The following CNTN1 variants were observed in gnomAD, a reference collection of about 807,000 sequenced individuals.
CNTN1 encodes the protein contactin 1, also known as contactin-1.
CNTN1 carries 38 observed loss-of-function variants against 126.4 expected under a neutral mutation model. The ratio of observed to expected loss-of-function variants is 0.30; its 90% confidence interval spans 0.23 to 0.39. The LOEUF is 0.39. Among genes scored for constraint, CNTN1 ranks in the 10% least tolerant of loss-of-function variants. CNTN1 has a pLI of 1.00. For synonymous variants in CNTN1, 413 were observed against 422.6 expected (o/e 0.98, Z 0.28); for missense variants, 1,009 against 1,248.4 (o/e 0.81, Z 2.89).
At chr12:40,848,422 G>A (rs1942595991) in intron 1 of CNTN1, among the ~76,000 whole-genome samples, 2 of 152,102 alleles carry the variant, frequency 1.3e-5, no homozygotes, top group South Asian at 2.1e-4. Flanking sequence ...AAGCTTTATT[G>A]ACTATGTAAG....
intron 3 of CNTN1, among the ~76,000 whole-genome samples, chr12:40,910,870 G>A (rs17128929): frequency 0.067 from 10,146 of 152,162 alleles, 550 homozygotes; most frequent in Admixed American, 0.17. Context: ...CATGATGGTA[G>A]GAGAATGAAA....
intron 22 of CNTN1, among the ~76,000 whole-genome samples, chr12:41,028,617 A>C (rs1300182557): frequency 6.6e-6 from 1 of 152,224 alleles, no homozygotes; most frequent in Non-Finnish European, 1.5e-5. Flanking sequence ...AATAAAAAGG[A>C]GAAAAGCTTA....
chr12:40,769,807 AT>A (rs1939262456), intron 1 of CNTN1, among the ~76,000 whole-genome samples: 1 of 152,116 alleles, frequency 6.6e-6, no homozygotes, highest in Non-Finnish European at 1.5e-5. Flanking sequence ...CTGTTTAGAT[AT>A]TTTAAAGGCA....
In CNTN1 at chr12:40,922,344, C is replaced by G; in HGVS notation, c.316C>G (p.Gln106Glu). Residue 106 changes from glutamine to glutamate, a missense_variant, in exon 5 of 24, where the codon CAG becomes GAG. Physicochemically the swap from Gln to Glu is conservative, Grantham distance 29. Coordinates refer to ENST00000551295, the MANE Select transcript of CNTN1 (RefSeq NM_001843.4). ...GNLVINNPDK[Q>E]KDAGIYYCLA... The stretch of plus-strand genomic sequence containing the variant: ...CCTTGTTATCAACAACCCTGACAAA[C>G]AGAAAGATGCTGGAATATACTACTG... 1 of 1,613,982 alleles carries G rather than the reference C, an allele frequency of 6.2e-7. No individual in the cohort carries two copies. Among genetic ancestry groups the G allele is most frequent in the Non-Finnish European group, 8.5e-7 (1 of 1,179,912 alleles).
intron 23 of CNTN1, among the ~76,000 whole-genome samples, chr12:41,057,122 T>A (rs1452518660): frequency 2.8e-5 from 4 of 142,416 alleles, no homozygotes; most frequent in African/African-American, 7.7e-5. Context: ...ATATTATATT[T>A]AGATATTTAT....
At position 40,872,571 on chromosome 12, in the gene CNTN1, C is replaced by CTTTTT. The variant is rs35866838; in HGVS notation, c.-76-35771_-76-35767dup. Reference sequence around the variant, plus strand: ...TGCATGTACTAAGCATTTTTTCTTTCTTTTTTTTTTTTTTTTTTTGAGATG... The same window carrying CTTTTT: ...TGCATGTACTAAGCATTTTTTCTTTCTTTTTTTTTTTTTTTTTTTTTTTTGAGATG... On this transcript the variant is annotated intron_variant, in intron 1 of 23. Coordinates refer to ENST00000551295, the MANE Select transcript of CNTN1 (RefSeq NM_001843.4). Among the ~76,000 whole-genome samples the CTTTTT allele has an allele frequency of 3.5e-3, 377 of 108,540 alleles. 8 individuals carry two copies. The highest frequency in any genetic ancestry group is 0.013 in the Middle Eastern group (2 of 154). 71.2% of individuals were successfully genotyped at this position (108,540 alleles called of 152,430 possible).
chr12:40,771,777 G>T (rs1449042434), intron 1 of CNTN1, among the ~76,000 whole-genome samples: 16 of 151,772 alleles, frequency 1.1e-4, no homozygotes, highest in Non-Finnish European at 2.4e-4. Flanking sequence ...TAAAATATGA[G>T]ATCTATTATA....
chr12:41,069,923 A>G (rs779334187), intron 23 of CNTN1, 36 bp from the exon 24 acceptor site: 18 of 1,552,844 alleles, frequency 1.2e-5, no homozygotes, highest in East Asian at 2.2e-5. Flanking sequence ...ACATGTATCA[A>G]TGAAATAATA....
intron 1 of CNTN1, among the ~76,000 whole-genome samples, chr12:40,893,660 C>T (rs977979596): frequency 5.9e-5 from 9 of 151,990 alleles, no homozygotes; most frequent in Non-Finnish European, 1.3e-4. Context: ...AGTTAGAGAG[C>T]CATGACAAAG....
intron 1 of CNTN1, among the ~76,000 whole-genome samples, chr12:40,739,102 C>T (rs1937823851): frequency 6.6e-6 from 1 of 152,040 alleles, no homozygotes; most frequent in Non-Finnish European, 1.5e-5. Flanking sequence ...TGTTATAAAG[C>T]TCCTCAGGGG....
At chr12:40,753,689 G>C (rs1269856417) in intron 1 of CNTN1, among the ~76,000 whole-genome samples, 1 of 151,980 alleles carries the variant, frequency 6.6e-6, no homozygotes, top group Non-Finnish European at 1.5e-5. Context: ...GGGATTATGG[G>C]AACTACAATT....
chr12:40,930,323 G>T lies in CNTN1; in HGVS notation c.703+321G>T, dbSNP rs149811939. Among the ~76,000 whole-genome samples, 163 of 152,032 alleles carry T rather than the reference G, an allele frequency of 1.1e-3. 2 individuals carry two copies. The highest frequency in any genetic ancestry group is 3.7e-3 in the African/African-American group (152 of 41,498). On this transcript the variant is annotated intron_variant, in intron 7 of 23. Coordinates refer to ENST00000551295, the MANE Select transcript of CNTN1 (RefSeq NM_001843.4). ...ACTGACATCTACTTTTTGTTTTGTG[G>T]CCATTCCTACTTCTTAGTAAGCTCA...
rs146529003 is a variant in CNTN1 at position 40,977,033 on chromosome 12, G to A, written c.1805-3876G>A. Among the ~76,000 whole-genome samples, 9 of 152,248 alleles carry A rather than the reference G, an allele frequency of 5.9e-5. No homozygotes were observed. In the East Asian group the frequency reaches 9.7e-4, roughly 16 times the overall value. On this transcript the variant is annotated intron_variant, in intron 15 of 23. Transcript: ENST00000551295. Reference sequence around the variant, plus strand: ...TGACACAGCCTCAGGAGGTCCTGACGACCTGTTCCCGAGGTTGCTGGGATA... The same window carrying A: ...TGACACAGCCTCAGGAGGTCCTGACAACCTGTTCCCGAGGTTGCTGGGATA...
At chr12:40,736,010 G>A (rs1438717546) in intron 1 of CNTN1, among the ~76,000 whole-genome samples, 1 of 152,010 alleles carries the variant, frequency 6.6e-6, no homozygotes, top group Non-Finnish European at 1.5e-5. Flanking sequence ...CATCTATTGT[G>A]ATTACCCTGC....
chr12:40,835,523 T>C (rs1942015146), intron 1 of CNTN1, among the ~76,000 whole-genome samples: 1 of 152,138 alleles, frequency 6.6e-6, no homozygotes, highest in African/African-American at 2.4e-5. Context: ...ACTATGTTTC[T>C]CAGGCCAGTC....
chr12:40,919,528 G>C (rs1370422379), intron 4 of CNTN1, among the ~76,000 whole-genome samples: 1 of 151,992 alleles, frequency 6.6e-6, no homozygotes, highest in African/African-American at 2.4e-5. Context: ...AGAAATTGGG[G>C]GCTCTAGTGT....
intron 14 of CNTN1, among the ~76,000 whole-genome samples, chr12:40,951,422 TG>T (rs1242113938): frequency 6.6e-6 from 1 of 152,214 alleles, no homozygotes; most frequent in Non-Finnish European, 1.5e-5. Flanking sequence ...TTTAATAAGT[TG>T]TTTTGTCATT....
At chr12:40,944,580 A>T (rs938671360) in intron 14 of CNTN1, among the ~76,000 whole-genome samples, 1 of 152,172 alleles carries the variant, frequency 6.6e-6, no homozygotes, top group Middle Eastern at 3.4e-3. Context: ...TAAGAAAGAG[A>T]CAAAATTATA....
chr12:40,960,141 A>G (rs1218722115), intron 15 of CNTN1, among the ~76,000 whole-genome samples: 1 of 151,980 alleles, frequency 6.6e-6, no homozygotes, highest in Non-Finnish European at 1.5e-5. Context: ...CTGAATTTTC[A>G]TAACATATAT....
Sources: gnomAD v4.1 joint callset for allele counts (sites outside exome capture counted in the v4.1 genomes callset) on GRCh38, gnomAD v4.1.1 for gene constraint, MANE v1.5 for transcripts, NCBI Gene and HGNC (gene_info 2026-07-23, HGNC 2026-07-21) for gene names.